Variants in TLE3 observed in about 807,000 individuals in gnomAD.
TLE3 encodes the protein transducin-like enhancer protein 3.
In TLE3, 14 loss-of-function variants were observed where a neutral mutation model predicts 93.0. That is an observed-to-expected ratio of 0.15 (90% CI 0.10 to 0.24). The LOEUF (loss-of-function observed/expected upper bound fraction) is 0.24, where lower values mean the gene tolerates loss of function less well. Among genes scored for constraint, TLE3 ranks in the 10% least tolerant of loss-of-function variants. The probability of loss-of-function intolerance (pLI) is 1.00; values close to 1 mark genes in which losing one functional copy is unlikely to be tolerated. For missense variants in TLE3, 693 were observed against 1,046.6 expected, an observed-to-expected ratio of 0.66 and a Z score of 4.66; for synonymous variants, 451 against 425.0, an observed-to-expected ratio of 1.06 and a Z score of -0.75.
At position 70,079,358 on chromosome 15, in the gene TLE3, T is replaced by C. The variant is rs2057628901; in HGVS notation, c.235-3200A>G. The C allele has an allele frequency of 6.0e-6, 3 of 501,610 alleles. No individual in the cohort carries two copies. In the African/African-American group the frequency reaches 6.2e-5, roughly 10 times the overall value. The allele number at this position is 501,610 out of a possible 1,614,324, so 31.1% of individuals were successfully genotyped here. On this transcript the variant is annotated intron_variant, in intron 4 of 19. Coordinates refer to ENST00000451782, the MANE Select transcript of TLE3 (RefSeq NM_001105192.3). ...TTTGGCACGTCACCAGACAGGACTG[T>C]GTAGGGTTGAGGCAGGCAGAGGGGA... is the stretch of plus-strand genomic sequence containing the variant.
chr15:70,062,168 A>T (rs1033498272), intron 8 of TLE3, among the ~76,000 whole-genome samples: 1 of 152,230 alleles, frequency 6.6e-6, no homozygotes, highest in African/African-American at 2.4e-5. Flanking sequence ...TGAAGAAAAA[A>T]TGGAGGTTAT....
Position 70,050,022 on chromosome 15 carries a change from C to T in TLE3, c.*75G>A. 3 of 1,356,832 alleles carry T rather than the reference C, an allele frequency of 2.2e-6. No homozygotes were observed. The highest frequency in any genetic ancestry group is 1.7e-5 in the Admixed American group (1 of 58,554). The allele number at this position is 1,356,832 out of a possible 1,614,324, so 84.0% of individuals were successfully genotyped here. On this transcript the variant is annotated 3_prime_UTR_variant, in exon 20 of 20. Coordinates refer to ENST00000451782, the MANE Select transcript of TLE3 (RefSeq NM_001105192.3). ...GCCCATCCTCCGCCATCCTCGGGGC[C>T]CCTCGCCTGGGGGTCTCCCTGTCAG... is the stretch of plus-strand genomic sequence containing the variant.
At chr15:70,084,192 A>C (rs189232085) in intron 4 of TLE3, among the ~76,000 whole-genome samples, 2 of 152,358 alleles carry the variant, frequency 1.3e-5, no homozygotes, top group Admixed American at 1.3e-4. Context: ...GGTGGTAAGC[A>C]AATCTCCCAG....
intron 5 of TLE3, among the ~76,000 whole-genome samples, chr15:70,075,265 T>C (rs539802841): frequency 1.3e-5 from 2 of 152,348 alleles, no homozygotes; most frequent in African/African-American, 2.4e-5. Context: ...GGTGAGGATG[T>C]TGATAGTGGG....
At position 70,058,492 on chromosome 15, in the gene TLE3, G is replaced by C; in HGVS notation, c.918+171C>G. ...CCCATTTTACAGACGTAGCAACCGA[G>C]GCTCAGAAACGTTAACTCATTAGCA... On this transcript the variant is annotated intron_variant, in intron 11 of 19. Coordinates refer to ENST00000451782, the MANE Select transcript of TLE3 (RefSeq NM_001105192.3). The surrounding 1 kb of genome is among the most constrained non-coding windows in gnomAD (Gnocchi z 4.1). 1.6e-6 allele frequency: 2 copies of C among 1,286,874 alleles called. No homozygotes were observed. The highest frequency in any genetic ancestry group is 2.1e-6 in the Non-Finnish European group (2 of 951,820). The allele number at this position is 1,286,874 out of a possible 1,614,324, so 79.7% of individuals were successfully genotyped here. A position where few individuals can be genotyped will look rare whatever the true frequency, so the allele number is the denominator to read the frequency against.
rs1265821248 is a variant in TLE3 at position 70,058,359 on chromosome 15, T to C, written c.919-68A>G. 2.0e-5 allele frequency: 31 copies of C among 1,535,290 alleles called. No homozygotes were observed. Among genetic ancestry groups the C allele is most frequent in the Non-Finnish European group, 2.6e-5 (30 of 1,140,544 alleles). On this transcript the variant is annotated intron_variant, in intron 11 of 19. Coordinates refer to ENST00000451782, the MANE Select transcript of TLE3 (RefSeq NM_001105192.3). This position sits in a 1 kb window ranked among gnomAD's most constrained non-coding sequence, Gnocchi z 4.1. The stretch of plus-strand genomic sequence containing the variant: ...CATTCTCCTAGGAGCCGGGCACAAC[T>C]GGTGCCGGTCCCAACGTGAAGCCCA...
chr15:70,054,165 GCT>G (rs2055813713), intron 16 of TLE3: 1 of 371,806 alleles, frequency 2.7e-6, no homozygotes, highest in Non-Finnish European at 4.9e-6. Context: ...CTCTCTGCTT[GCT>G]CCACTAATCT....
chr15:70,057,459 A>G lies in TLE3; in HGVS notation c.1251T>C (p.Ala417=), dbSNP rs1336461754. The change falls in exon 13 of 20, where the codon GCT becomes GCC. Residue 417 remains alanine, a splice_region_variant and synonymous_variant. Transcript: ENST00000451782. Reference sequence around the variant, plus strand: ...GAAAGGAGCCAAAAGGTCTACGTACAGCTCCAAAGCTCACCATTGGCGATC... The same window carrying G: ...GAAAGGAGCCAAAAGGTCTACGTACGGCTCCAAAGCTCACCATTGGCGATC... ...YGRSPMVSFG[A]VGFDPHPPMR... The G allele has an allele frequency of 1.3e-6, 2 of 1,597,670 alleles. No homozygotes were observed. The highest frequency in any genetic ancestry group is 3.5e-5 in the Admixed American group (2 of 57,310).
rs2057429300 is a variant in TLE3 at position 70,076,102 on chromosome 15, T to G, written c.291A>C (p.Ser97=). The part of the protein sequence containing the change: ...TILAQIMPFL[S]QEHQQQVAQA... ...TAATAAAAGAAGGTCTTACCTCTTG[T>G]GACAGGAAAGGCATGATCTGTGCTA... is the stretch of plus-strand genomic sequence containing the variant. Residue 97 remains serine (S), a synonymous_variant, in exon 5 of 20, where the codon TCA becomes TCC. Transcript: ENST00000451782. 1.2e-6 allele frequency: 2 copies of G among 1,613,860 alleles called. No homozygotes were observed. Among genetic ancestry groups the G allele is most frequent in the African/African-American group, 2.7e-5 (2 of 74,934 alleles).
intron 9 of TLE3, 129 bp from the exon 10 acceptor site, chr15:70,059,589 T>C (rs1595886416): frequency 8.5e-6 from 7 of 822,158 alleles, no homozygotes; most frequent in Non-Finnish European, 1.4e-5. Flanking sequence ...AGTCCATGCT[T>C]TCTACTCCAG....
At chr15:70,074,729 CA>C (rs2057356922) in intron 5 of TLE3, 122 bp from the exon 6 acceptor site, 2 of 692,760 alleles carry the variant, frequency 2.9e-6, no homozygotes, top group Non-Finnish European at 4.6e-6. Context: ...TCCCACTGAA[CA>C]GGCACAGGGC....
chr15:70,056,283 A>G lies in TLE3; in HGVS notation c.1328+15T>C. 1.2e-6 allele frequency: 2 copies of G among 1,613,302 alleles called. No individual in the cohort carries two copies. The highest frequency in any genetic ancestry group is 3.3e-5 in the Admixed American group (2 of 60,028). ...CCACCCTACAAAGCATGCAGTAAGT[A>G]TAGCCAAAGCTTACGGTTTTCCTCC... On this transcript the variant is annotated intron_variant, in intron 14 of 19. Transcript: ENST00000451782.
At chr15:70,054,834 A>G in intron 15 of TLE3, 149 bp from the exon 16 acceptor site, 1 of 1,268,464 alleles carries the variant, frequency 7.9e-7, no homozygotes. Context: ...CCATTCCTCA[A>G]ATTCACAACC....
intron 19 of TLE3, chr15:70,051,179 T>C (rs565976113): frequency 4.3e-6 from 2 of 461,942 alleles, no homozygotes; most frequent in African/African-American, 2.0e-5. Context: ...AAGCCATCAG[T>C]AGCAGATTGT....
At chr15:70,068,394 G>A (rs1043682065) in intron 6 of TLE3, among the ~76,000 whole-genome samples, 2 of 152,080 alleles carry the variant, frequency 1.3e-5, no homozygotes, top group Admixed American at 6.5e-5. Flanking sequence ...TGGTGTGGTC[G>A]GACAATACAA....
At chr15:70,067,851 C>T (rs1339859746) in intron 6 of TLE3, among the ~76,000 whole-genome samples, 3 of 152,320 alleles carry the variant, frequency 2.0e-5, no homozygotes, top group South Asian at 2.1e-4. Flanking sequence ...GCTGGCACTG[C>T]GGCCGTTGTT....
At position 70,058,440 on chromosome 15, in the gene TLE3, T is replaced by G; in HGVS notation, c.919-149A>C. 7.2e-7 allele frequency: 1 copy of G among 1,384,560 alleles called. No homozygotes were observed. Among genetic ancestry groups the G allele is most frequent in the Non-Finnish European group, 9.8e-7 (1 of 1,019,806 alleles). 85.8% of individuals were successfully genotyped at this position (1,384,560 alleles called of 1,614,324 possible). On this transcript the variant is annotated intron_variant, in intron 11 of 19. Transcript: ENST00000451782. This position sits in a 1 kb window ranked among gnomAD's most constrained non-coding sequence, Gnocchi z 4.1. Reference sequence around the variant, plus strand: ...CAGCCTCTCAATCCTTGCCCAACCTTGTTTGGCAGGGACTGGGGTGATCAC... The same window carrying G: ...CAGCCTCTCAATCCTTGCCCAACCTGGTTTGGCAGGGACTGGGGTGATCAC...
At position 70,058,899 on chromosome 15, in the gene TLE3, G is replaced by T; in HGVS notation, c.766-84C>A. 1 of 1,444,948 alleles carries T rather than the reference G, an allele frequency of 6.9e-7. No homozygotes were observed. The allele number at this position is 1,444,948 out of a possible 1,614,324, so 89.5% of individuals were successfully genotyped here. The stretch of plus-strand genomic sequence containing the variant: ...CTGCTCTGGGAGTGGGAAGAGAGAG[G>T]GCATGGGCGATGGGAAGACGAGCTT... On this transcript the variant is annotated intron_variant, in intron 10 of 19. Coordinates refer to ENST00000451782, the MANE Select transcript of TLE3 (RefSeq NM_001105192.3). The surrounding 1 kb of genome is among the most constrained non-coding windows in gnomAD (Gnocchi z 4.1).
At chr15:70,077,143 TC>T (rs1202010210) in intron 4 of TLE3, among the ~76,000 whole-genome samples, 1 of 152,194 alleles carries the variant, frequency 6.6e-6, no homozygotes, top group African/African-American at 2.4e-5. Context: ...CTGCCTCATC[TC>T]CCAACACCCT....
Sources: gnomAD v4.1 joint callset for allele counts (sites outside exome capture counted in the v4.1 genomes callset) on GRCh38, gnomAD v4.1.1 for gene constraint, Gnocchi (gnomAD v3.1) non-coding constraint, MANE v1.5 for transcripts, NCBI Gene and HGNC (gene_info 2026-07-23, HGNC 2026-07-21) for gene names.